The following ADGRG6 variants were observed in gnomAD, a reference collection of about 807,000 sequenced individuals.
ADGRG6 encodes G-protein coupled receptor 126.
ADGRG6 carries 84 observed loss-of-function variants against 142.4 expected under a neutral mutation model. That is an observed-to-expected ratio of 0.59 (90% confidence interval 0.49 to 0.71). ADGRG6 has a LOEUF of 0.71. Ranked by LOEUF, ADGRG6 falls within the 30% of genes least tolerant of loss-of-function variation. The pLI is 0.00. For missense variants in ADGRG6, 1,367 were observed against 1,466.6 expected (o/e 0.93, Z 1.11); for synonymous variants, 521 against 520.5 (o/e 1.00, Z -0.01).
chr6:142,345,246 C>T (rs2114742310), intron 2 of ADGRG6, among the ~76,000 whole-genome samples: 1 of 152,080 alleles, frequency 6.6e-6, no homozygotes, highest in South Asian at 2.1e-4. Flanking sequence ...TGTCTCTAAT[C>T]TTTCTTTAGT....
intron 21 of ADGRG6, among the ~76,000 whole-genome samples, chr6:142,418,503 C>T (rs1776483572): frequency 6.6e-6 from 1 of 151,958 alleles, no homozygotes. Flanking sequence ...GCTCTAGGGA[C>T]AAGCAACATT....
In ADGRG6 at chr6:142,367,717, C is replaced by T. The variant is rs754986214; in HGVS notation, c.252C>T (p.Asn84=). Residue 84 remains asparagine, a synonymous_variant, in exon 3 of 25, where the codon AAC becomes AAT. Coordinates refer to ENST00000367609, the MANE Select transcript of ADGRG6 (RefSeq NM_198569.3). Reference sequence around the variant, plus strand: ...GTTATATCATTCAGATAACATTTAACGACTTTGACATTGAAGAAGCTCCCA... The same window carrying T: ...GTTATATCATTCAGATAACATTTAATGACTTTGACATTGAAGAAGCTCCCA... ...PTGYIIQITF[N]DFDIEEAPNC... is the part of the protein sequence containing the mutation. 2.9e-5 allele frequency: 46 copies of T among 1,613,836 alleles called. No individual in the cohort carries two copies. The highest frequency in any genetic ancestry group is 3.3e-5 in the Admixed American group (2 of 60,002).
chr6:142,363,524 G>A (rs1279623738), intron 2 of ADGRG6, among the ~76,000 whole-genome samples: 1 of 152,140 alleles, frequency 6.6e-6, no homozygotes, highest in East Asian at 1.9e-4. Context: ...AGAACTGAGG[G>A]TGGAATTTGG....
chr6:142,322,624 A>G (rs1284245074), intron 2 of ADGRG6, among the ~76,000 whole-genome samples: 1 of 152,022 alleles, frequency 6.6e-6, no homozygotes, highest in Non-Finnish European at 1.5e-5. Flanking sequence ...CCTTTTTCAT[A>G]ATATATTGGA....
chr6:142,424,612 G>A (rs1413266843), intron 22 of ADGRG6, among the ~76,000 whole-genome samples: 1 of 150,824 alleles, frequency 6.6e-6, no homozygotes, highest in African/African-American at 2.4e-5. Flanking sequence ...TGTTCATCAA[G>A]GATATTGGTC....
chr6:142,434,162 A>G (rs1392228144), intron 22 of ADGRG6, among the ~76,000 whole-genome samples: 1 of 150,832 alleles, frequency 6.6e-6, no homozygotes, highest in African/African-American at 2.4e-5. Context: ...AGTATTAGTA[A>G]TAAATTATAT....
chr6:142,304,737 T>C (rs1007163914), intron 1 of ADGRG6, among the ~76,000 whole-genome samples: 10 of 152,234 alleles, frequency 6.6e-5, no homozygotes, highest in African/African-American at 1.7e-4. Flanking sequence ...GAATTTAGAC[T>C]AAATGGAAAA....
intron 5 of ADGRG6, among the ~76,000 whole-genome samples, chr6:142,383,227 T>C (rs1051128177): frequency 6.6e-6 from 1 of 152,230 alleles, no homozygotes. Context: ...TTTTGGAATC[T>C]TTAAATGATT....
chr6:142,333,763 C>G (rs1452309612), intron 2 of ADGRG6, among the ~76,000 whole-genome samples: 1 of 152,082 alleles, frequency 6.6e-6, no homozygotes, highest in Non-Finnish European at 1.5e-5. Context: ...GAGGCTGAAA[C>G]AATACAATAG....
intron 2 of ADGRG6, among the ~76,000 whole-genome samples, chr6:142,349,485 G>A (rs566078346): frequency 6.6e-6 from 1 of 152,308 alleles, no homozygotes; most frequent in South Asian, 2.1e-4. Flanking sequence ...AGCTACCTGG[G>A]AAGGAGTCAT....
At chr6:142,412,220 T>C (rs1405025375) in intron 18 of ADGRG6, among the ~76,000 whole-genome samples, 1 of 152,228 alleles carries the variant, frequency 6.6e-6, no homozygotes, top group Non-Finnish European at 1.5e-5. Context: ...AACACTTTTC[T>C]GGTCTCCAGG....
intron 1 of ADGRG6, among the ~76,000 whole-genome samples, chr6:142,309,106 G>A (rs914754418): frequency 6.6e-6 from 1 of 151,970 alleles, no homozygotes; most frequent in Admixed American, 6.6e-5. Flanking sequence ...TTGTAAAGCA[G>A]CAGACATTAA....
At chr6:142,383,890 A>C (rs919985409) in intron 6 of ADGRG6, 47 bp downstream of exon 6, 1 of 937,030 alleles carries the variant, frequency 1.1e-6, no homozygotes, top group African/African-American at 1.6e-5. Context: ...TAACATAAAA[A>C]ATTGTATTCT....
At chr6:142,305,440 A>G (rs1190397376) in intron 1 of ADGRG6, among the ~76,000 whole-genome samples, 9 of 118,812 alleles carry the variant, frequency 7.6e-5, no homozygotes, top group Non-Finnish European at 1.5e-4. Flanking sequence ...ACACACACAC[A>G]CACACACACA....
intron 2 of ADGRG6, among the ~76,000 whole-genome samples, chr6:142,347,856 G>A (rs1044928343): frequency 1.3e-5 from 2 of 152,066 alleles, no homozygotes; most frequent in African/African-American, 2.4e-5. Context: ...ACTAACAAGA[G>A]TTTCTATTTG....
intron 14 of ADGRG6, 28 bp from the exon 15 acceptor site, chr6:142,405,660 G>A (rs368098780): frequency 6.4e-7 from 1 of 1,573,370 alleles, no homozygotes; most frequent in Non-Finnish European, 8.7e-7. Flanking sequence ...ATGATTACTT[G>A]ACCAATATAT....
rs772784689 is a variant in ADGRG6 at position 142,443,496 on chromosome 6, G to A, written c.3734G>A (p.Ser1245Asn). Residue 1245 changes from serine to asparagine, a missense_variant, in exon 25 of 25, where the codon AGC becomes AAC. Ser to Asn is a conservative substitution (Grantham distance 46). Transcript: ENST00000367609. ...AATATTATCATGTCAGACACCTTCA[G>A]CCACAGCACAAAGTTTTAATGTCTT... ...YKNIIMSDTF[S>N]HSTKF The A allele has an allele frequency of 5.9e-5, 95 of 1,608,438 alleles. 1 individual carries two copies. The highest frequency in any genetic ancestry group is 1.0e-4 in the South Asian group (9 of 90,076).
chr6:142,315,797 C>T (rs897290889), intron 2 of ADGRG6, among the ~76,000 whole-genome samples: 2 of 151,314 alleles, frequency 1.3e-5, no homozygotes, highest in Non-Finnish European at 1.5e-5. Flanking sequence ...TGCTGTTGCA[C>T]TCTAGCCTGG....
chr6:142,315,480 A>T (rs1270408192), intron 2 of ADGRG6, among the ~76,000 whole-genome samples: 3 of 152,092 alleles, frequency 2.0e-5, no homozygotes, highest in Non-Finnish European at 2.9e-5. Context: ...TTGAGGTTAG[A>T]TGAGAAAAGT....
Sources: allele counts gnomAD v4.1 joint callset (sites outside exome capture counted in the v4.1 genomes callset), GRCh38; gene constraint gnomAD v4.1.1; transcripts MANE v1.5; gene names NCBI Gene and HGNC (gene_info 2026-07-23, HGNC 2026-07-21).